Variants in KIDINS220 observed in about 807,000 individuals in gnomAD.
KIDINS220 encodes kinase D-interacting substrate of 220 kDa.
Under a neutral mutation model 157.6 loss-of-function variants are expected in KIDINS220, and 63 were observed. The ratio of observed to expected loss-of-function variants is 0.40; its 90% confidence interval spans 0.33 to 0.49. KIDINS220 has a LOEUF of 0.49. Ranked by LOEUF, KIDINS220 falls within the 20% of genes least tolerant of loss-of-function variation. KIDINS220 has a pLI of 0.66. For synonymous variants in KIDINS220, 732 were observed against 783.6 expected, an observed-to-expected ratio of 0.93 and a Z score of 1.10; for missense variants, 1,772 against 2,171.2, an observed-to-expected ratio of 0.82 and a Z score of 3.65.
At chr2:8,819,198 A>C (rs571117711) in intron 2 of KIDINS220, among the ~76,000 whole-genome samples, 74 of 152,194 alleles carry the variant, frequency 4.9e-4, no homozygotes, top group Non-Finnish European at 8.7e-4. Context: ...TTTTGTCTGA[A>C]ATAGGACGAG....
intron 26 of KIDINS220, among the ~76,000 whole-genome samples, chr2:8,744,363 CAAAAAAAAAA>C (rs547083543): frequency 0.012 from 109 of 9,214 alleles, no homozygotes; most frequent in South Asian, 0.031. Flanking sequence ...TTCCTCATGG[CAAAAAAAAAA>C]AAAAAAAAAA....
At chr2:8,817,903 T>G (rs1558484279) in intron 3 of KIDINS220, among the ~76,000 whole-genome samples, 187 bp from the exon 4 acceptor site, 1 of 152,206 alleles carries the variant, frequency 6.6e-6, no homozygotes, top group Non-Finnish European at 1.5e-5. Flanking sequence ...CTTGCATCAC[T>G]AAGAATGGGG....
chr2:8,808,296 C>G (rs1294296470), intron 6 of KIDINS220, among the ~76,000 whole-genome samples: 1 of 152,168 alleles, frequency 6.6e-6, no homozygotes, highest in Non-Finnish European at 1.5e-5. Flanking sequence ...TCTTAGATAT[C>G]TTCAAACATA....
chr2:8,773,622 G>A (rs548112520), intron 21 of KIDINS220, among the ~76,000 whole-genome samples: 1 of 152,040 alleles, frequency 6.6e-6, no homozygotes, highest in South Asian at 2.1e-4. Context: ...ACAGGTGTGA[G>A]CCACCACGCC....
Position 8,778,953 on chromosome 2 carries a change from T to G in KIDINS220, c.2557A>C (p.Arg853=). The change falls in exon 19 of 30, where the codon AGA becomes CGA. Residue 853 remains arginine, a synonymous_variant. Coordinates refer to ENST00000256707, the MANE Select transcript of KIDINS220 (RefSeq NM_020738.4). The stretch of plus-strand genomic sequence containing the variant: ...GTTGCTGAAGTTACGAGAAATTTTC[T>G]TGCATTGCTTAGTCCACGACTATTA... ...FLNSRGLSNA[R]KFLVTSATNG... is the part of the protein sequence containing the mutation. 1.2e-6 allele frequency: 2 copies of G among 1,614,194 alleles called. No homozygotes were observed. The highest frequency in any genetic ancestry group is 1.7e-6 in the Non-Finnish European group (2 of 1,180,010).
At chr2:8,751,391 G>A in intron 23 of KIDINS220, 75 bp downstream of exon 23, 1 of 1,276,476 alleles carries the variant, frequency 7.8e-7, no homozygotes, top group Non-Finnish European at 1.1e-6. Context: ...CAGGAGAAAT[G>A]TACACAAATA....
chr2:8,811,976 G>A (rs1286702793), intron 6 of KIDINS220, among the ~76,000 whole-genome samples: 1 of 151,532 alleles, frequency 6.6e-6, no homozygotes, highest in Non-Finnish European at 1.5e-5. Context: ...GGAAGGCAAG[G>A]CCCATCTTCA....
intron 11 of KIDINS220, among the ~76,000 whole-genome samples, chr2:8,794,959 T>C (rs953607493): frequency 6.6e-6 from 1 of 152,206 alleles, no homozygotes; most frequent in Non-Finnish European, 1.5e-5. Flanking sequence ...CTGTGCTTCG[T>C]ACTTTGGAGG....
At chr2:8,744,428 A>ATATATC (rs1666258196) in intron 26 of KIDINS220, among the ~76,000 whole-genome samples, 2 of 100,206 alleles carry the variant, frequency 2.0e-5, no homozygotes, top group Non-Finnish European at 1.9e-5. Flanking sequence ...ATATATATAT[A>ATATATC]TATATATATA....
At chr2:8,777,478 T>C (rs1296678989) in intron 20 of KIDINS220, among the ~76,000 whole-genome samples, 1 of 152,188 alleles carries the variant, frequency 6.6e-6, no homozygotes, top group Non-Finnish European at 1.5e-5. Flanking sequence ...TGTTTATTTC[T>C]ATTTTATGTA....
At chr2:8,756,313 GT>G (rs1365280914) in intron 22 of KIDINS220, among the ~76,000 whole-genome samples, 17 of 152,184 alleles carry the variant, frequency 1.1e-4, no homozygotes, top group Admixed American at 1.0e-3. Context: ...TGATTTTTGT[GT>G]GTTGATCTGT....
chr2:8,820,940 T>C (rs914040889), intron 2 of KIDINS220, among the ~76,000 whole-genome samples: 1 of 152,118 alleles, frequency 6.6e-6, no homozygotes, highest in Non-Finnish European at 1.5e-5. Context: ...AAGTCATTGG[T>C]AGAATATATA....
chr2:8,740,255 T>C (rs1050489332), intron 26 of KIDINS220: 1 of 675,376 alleles, frequency 1.5e-6, no homozygotes, highest in African/African-American at 2.0e-5. Flanking sequence ...CAACTATAAA[T>C]GTCTAACATA....
At chr2:8,797,089 C>T (rs1452065750) in intron 10 of KIDINS220, among the ~76,000 whole-genome samples, 3 of 152,166 alleles carry the variant, frequency 2.0e-5, no homozygotes, top group Admixed American at 6.5e-5. Flanking sequence ...GTGGGACCTG[C>T]CCCAGCTGCT....
chr2:8,816,040 C>A (rs914952223), intron 4 of KIDINS220, among the ~76,000 whole-genome samples: 1 of 152,086 alleles, frequency 6.6e-6, no homozygotes, highest in African/African-American at 2.4e-5. Context: ...TAAGGTCCCA[C>A]AAAACTAGCT....
intron 26 of KIDINS220, among the ~76,000 whole-genome samples, chr2:8,740,751 G>A (rs1021138060): frequency 5.3e-5 from 8 of 152,146 alleles, no homozygotes; most frequent in Non-Finnish European, 1.0e-4. Context: ...GACAAACCTT[G>A]CAAACTGTGA....
At chr2:8,748,098 C>T (rs1360284469) in intron 24 of KIDINS220, 98 bp from the exon 25 acceptor site, 5 of 562,102 alleles carry the variant, frequency 8.9e-6, no homozygotes, top group Non-Finnish European at 1.5e-5. Context: ...AACTCCAAAA[C>T]TTTAATGCAA....
intron 7 of KIDINS220, 130 bp downstream of exon 7, chr2:8,806,141 T>G (rs1278973399): frequency 6.1e-6 from 4 of 658,112 alleles, no homozygotes; most frequent in Non-Finnish European, 1.1e-5. Flanking sequence ...CAGGAAATGC[T>G]TGTTTTCCTG....
chr2:8,788,914 G>A (rs1440669242), intron 14 of KIDINS220, 102 bp from the exon 15 acceptor site: 2 of 969,650 alleles, frequency 2.1e-6, no homozygotes, highest in Non-Finnish European at 3.1e-6. Flanking sequence ...AGCTTACATA[G>A]CTTCCTATGG....
Sources: allele counts gnomAD v4.1 joint callset (sites outside exome capture counted in the v4.1 genomes callset), GRCh38; gene constraint gnomAD v4.1.1; transcripts MANE v1.5; gene names NCBI Gene and HGNC (gene_info 2026-07-23, HGNC 2026-07-21).